The following AKAP13 variants were observed in gnomAD, a reference collection of about 807,000 sequenced individuals.
AKAP13 encodes A-kinase anchoring protein 13, also known as A-kinase anchor protein 13.
Under a neutral mutation model 264.5 loss-of-function variants are expected in AKAP13, and 80 were observed. The ratio of observed to expected loss-of-function variants is 0.30; its 90% CI spans 0.25 to 0.36. The LOEUF (loss-of-function observed/expected upper bound fraction) is 0.36, where lower values mean the gene tolerates loss of function less well. AKAP13 is among the 10% of genes least tolerant of loss of function. The pLI is 1.00. For missense variants in AKAP13, 3,712 were observed against 3,435.2 expected (o/e 1.08, Z -2.01); for synonymous variants, 1,380 against 1,250.2 (o/e 1.10, Z -2.19).
intron 8 of AKAP13, among the ~76,000 whole-genome samples, chr15:85,618,387 A>G (rs2081034735): frequency 6.6e-6 from 1 of 152,286 alleles, no homozygotes; most frequent in Middle Eastern, 3.4e-3. Flanking sequence ...CTGCTTTCAC[A>G]GCCTAGCTAA....
intron 3 of AKAP13, among the ~76,000 whole-genome samples, chr15:85,527,634 C>G (rs1268918076): frequency 1.3e-5 from 2 of 152,202 alleles, no homozygotes; most frequent in Non-Finnish European, 2.9e-5. Flanking sequence ...GGTGAAATTC[C>G]TGTGCCTACT....
rs192746677 is a variant in AKAP13, at chr15:85,710,391, C to T, written c.5533-188C>T. 1,573 of 517,518 alleles carry T rather than the reference C, an allele frequency of 3.0e-3. 22 individuals carry two copies. Among genetic ancestry groups the T allele is most frequent in the African/African-American group, 0.027 (1,386 of 51,742 alleles). The allele number at this position is 517,518 out of a possible 1,614,324, so 32.1% of individuals were successfully genotyped here. On this transcript the variant is annotated intron_variant, in intron 18 of 36. Transcript: ENST00000394518. ...TTCCAGGCAGGATAGACAGCATCTA[C>T]GGCATTGGAGTACGTGGCAGGCTTA...
At chr15:85,554,678 A>G (rs540089329) in intron 5 of AKAP13, among the ~76,000 whole-genome samples, 1 of 152,212 alleles carries the variant, frequency 6.6e-6, no homozygotes, top group South Asian at 2.1e-4. Flanking sequence ...CACAGTCACA[A>G]TATATCAATC....
At chr15:85,695,756 T>TA (rs1014002144) in intron 17 of AKAP13, among the ~76,000 whole-genome samples, 2 of 152,228 alleles carry the variant, frequency 1.3e-5, no homozygotes, top group Non-Finnish European at 2.9e-5. Flanking sequence ...ATTTGTGACT[T>TA]ACCAGACCAT....
intron 1 of AKAP13, among the ~76,000 whole-genome samples, chr15:85,405,296 A>T (rs2071610420): frequency 6.6e-6 from 1 of 152,188 alleles, no homozygotes; most frequent in Non-Finnish European, 1.5e-5. Flanking sequence ...TGAACTGGGT[A>T]GTTTAAAAGA....
intron 1 of AKAP13, among the ~76,000 whole-genome samples, chr15:85,484,812 G>C (rs561167236): frequency 6.6e-6 from 1 of 152,160 alleles, no homozygotes; most frequent in East Asian, 1.9e-4. Context: ...TACAAAGTTT[G>C]TTATTTTGTC....
At chr15:85,739,076 A>T (rs2151776837) in intron 33 of AKAP13, among the ~76,000 whole-genome samples, 1 of 152,344 alleles carries the variant, frequency 6.6e-6, no homozygotes, top group East Asian at 1.9e-4. Flanking sequence ...ATTGTGTACC[A>T]TAATTTACTT....
chr15:85,545,578 A>G (rs907383199), intron 5 of AKAP13, among the ~76,000 whole-genome samples: 10 of 152,214 alleles, frequency 6.6e-5, no homozygotes, highest in African/African-American at 2.2e-4. Flanking sequence ...GAAATCACCA[A>G]TAGAGGACCC....
chr15:85,586,464 A>G (rs2079354834), intron 8 of AKAP13, among the ~76,000 whole-genome samples: 2 of 152,148 alleles, frequency 1.3e-5, no homozygotes, highest in South Asian at 2.1e-4. Context: ...TCAGCCTCCC[A>G]AAGTGCTGGG....
intron 1 of AKAP13, among the ~76,000 whole-genome samples, chr15:85,466,411 G>T (rs2151012932): frequency 6.6e-6 from 1 of 152,174 alleles, no homozygotes; most frequent in Admixed American, 6.5e-5. Context: ...TGGTGTTTTG[G>T]ACATGAAGTC....
At position 85,477,636 on chromosome 15, in the gene AKAP13, G is replaced by GAAAAAAAA. The variant is rs1567077572; in HGVS notation, c.-11-8074_-11-8073insAAAAAAAA. Among the ~76,000 whole-genome samples the GAAAAAAAA allele has an allele frequency of 8.7e-5, 3 of 34,308 alleles. 1 individual carries two copies. 22.5% of individuals were successfully genotyped at this position (34,308 alleles called of 152,430 possible). On this transcript the variant is annotated intron_variant, in intron 1 of 36. Coordinates refer to ENST00000394518, the MANE Select transcript of AKAP13 (RefSeq NM_007200.5). ...GAAATTTGAACTGAGCTTAAAAAAA[G>GAAAAAAAA]GAAAAAAAAAAAAAAAAAAAAAGGC...
At chr15:85,614,649 G>A (rs542630493) in intron 8 of AKAP13, among the ~76,000 whole-genome samples, 8 of 152,182 alleles carry the variant, frequency 5.3e-5, no homozygotes, top group East Asian at 1.9e-4. Context: ...ACTTTTCTCT[G>A]TTATAGTTTC....
intron 12 of AKAP13, among the ~76,000 whole-genome samples, chr15:85,658,858 CTG>C (rs1435660296): frequency 6.6e-6 from 1 of 152,044 alleles, no homozygotes; most frequent in African/African-American, 2.4e-5. Context: ...GTTCAGATGA[CTG>C]TGAGAATAGG....
chr15:85,567,983 T>C (rs1017681375), intron 5 of AKAP13, among the ~76,000 whole-genome samples: 6 of 150,660 alleles, frequency 4.0e-5, no homozygotes, highest in Non-Finnish European at 7.4e-5. Context: ...TGTGTGTGTA[T>C]TTTTTAAAGC....
At chr15:85,657,708 C>G (rs1403686744) in intron 11 of AKAP13, among the ~76,000 whole-genome samples, 5 of 114,956 alleles carry the variant, frequency 4.3e-5, no homozygotes, top group African/African-American at 2.1e-4. Context: ...TCGTGGTGTA[C>G]TCTTTTTTTT....
intron 5 of AKAP13, chr15:85,544,278 A>G (rs1316489333): frequency 4.7e-6 from 2 of 424,874 alleles, no homozygotes; most frequent in Non-Finnish European, 9.1e-6. Context: ...ACCAATGTAT[A>G]CAGTTTATCC....
In AKAP13 at chr15:85,657,230, C is replaced by T. The variant is rs542403298; in HGVS notation, c.4746-1307C>T. On this transcript the variant is annotated intron_variant, in intron 11 of 36. Coordinates refer to ENST00000394518, the MANE Select transcript of AKAP13 (RefSeq NM_007200.5). ...TTATTTGCTCAAATTTCTCAACCTC[C>T]TGATAATATTATGGCTGTGTAATCA... 1.3e-5 allele frequency among the ~76,000 whole-genome samples: 2 copies of T among 152,266 alleles called. 1 individual carries two copies. The highest frequency in any genetic ancestry group is 4.1e-4 in the South Asian group (2 of 4,824).
chr15:85,458,625 T>C (rs977921459), intron 1 of AKAP13, among the ~76,000 whole-genome samples: 36 of 152,184 alleles, frequency 2.4e-4, no homozygotes, highest in African/African-American at 8.4e-4. Flanking sequence ...TAATACCTAA[T>C]ACGTATTAGA....
intron 14 of AKAP13, chr15:85,671,055 A>G (rs1481196329): frequency 2.0e-5 from 3 of 152,026 alleles, no homozygotes; most frequent in Non-Finnish European, 2.9e-5. Flanking sequence ...AGTGAGTGAT[A>G]CATTATGTTC....
Sources: allele counts gnomAD v4.1 joint callset (sites outside exome capture counted in the v4.1 genomes callset), GRCh38; gene constraint gnomAD v4.1.1; transcripts MANE v1.5; gene names NCBI Gene and HGNC (gene_info 2026-07-23, HGNC 2026-07-21).